Variants in FRAS1 observed in about 807,000 individuals in gnomAD.
The protein encoded by FRAS1 is extracellular matrix organizing protein FRAS1.
Under a neutral mutation model 435.2 loss-of-function variants are expected in FRAS1, and 290 were observed. That is an observed-to-expected ratio of 0.67 (90% CI 0.61 to 0.73). The LOEUF (loss-of-function observed/expected upper bound fraction) is 0.73, where lower values mean the gene tolerates loss of function less well. FRAS1 is among the 30% of genes least tolerant of loss of function. The probability of loss-of-function intolerance (pLI) is 0.00; values close to 1 mark genes in which losing one functional copy is unlikely to be tolerated. For missense variants in FRAS1, 4,860 were observed against 5,001.5 expected (o/e 0.97, Z 0.85); for synonymous variants, 1,800 against 1,851.0 (o/e 0.97, Z 0.71).
chr4:78,309,603 G>C (rs1406216088), intron 15 of FRAS1, among the ~76,000 whole-genome samples: 2 of 152,160 alleles, frequency 1.3e-5, no homozygotes, highest in Admixed American at 6.5e-5. Flanking sequence ...GGCCTTAACT[G>C]CCTGTGAACC....
chr4:78,188,062 C>T (rs936547350), intron 2 of FRAS1, among the ~76,000 whole-genome samples: 2 of 152,124 alleles, frequency 1.3e-5, no homozygotes, highest in South Asian at 2.1e-4. Context: ...ATATGATTAA[C>T]GAGAGGTAGA....
Position 78,529,737 on chromosome 4 carries a change from G to A in FRAS1, c.10925+3080G>A, listed in dbSNP as rs150611442. On this transcript the variant is annotated intron_variant, in intron 70 of 73. Coordinates refer to ENST00000512123, the MANE Select transcript of FRAS1 (RefSeq NM_025074.7). ...CTACTAAGTGACTAACAAATGGGTA[G>A]CATATACAATGTGGAGATGCTGAAC... 1.9e-3 allele frequency among the ~76,000 whole-genome samples: 285 copies of A among 152,324 alleles called. 1 individual carries two copies. Among genetic ancestry groups the A allele is most frequent in the Admixed American group, 2.9e-3 (45 of 15,294 alleles).
intron 2 of FRAS1, among the ~76,000 whole-genome samples, chr4:78,145,736 T>A (rs916224742): frequency 2.6e-5 from 4 of 152,340 alleles, no homozygotes; most frequent in Non-Finnish European, 5.9e-5. Context: ...ATGGTTTGGC[T>A]GTGTCCCCAC....
intron 14 of FRAS1, among the ~76,000 whole-genome samples, chr4:78,301,411 A>C (rs1184803148): frequency 1.3e-5 from 2 of 152,160 alleles, no homozygotes. Context: ...AGAGGAGAAT[A>C]TTTTAAAATC....
chr4:78,067,302 C>T (rs570539300), intron 2 of FRAS1, among the ~76,000 whole-genome samples: 32 of 152,088 alleles, frequency 2.1e-4, no homozygotes, highest in Admixed American at 2.6e-4. Context: ...AGGTAATTCA[C>T]CATTAGTGGT....
intron 66 of FRAS1, among the ~76,000 whole-genome samples, chr4:78,518,450 A>ATATATATATATATATATT (rs1487744216): frequency 1.2e-4 from 8 of 69,320 alleles, no homozygotes; most frequent in African/African-American, 2.7e-4. Context: ...ATATATATAT[A>ATATATATATATATATATT]TATTTATTTA....
chr4:78,058,445 A>C (rs1321514001), intron 1 of FRAS1, among the ~76,000 whole-genome samples: 1 of 152,084 alleles, frequency 6.6e-6, no homozygotes, highest in Non-Finnish European at 1.5e-5. Context: ...TGAGGAGCGA[A>C]CAATTGCTCT....
At chr4:78,340,486 A>G (rs1195646247) in intron 20 of FRAS1, among the ~76,000 whole-genome samples, 1 of 152,230 alleles carries the variant, frequency 6.6e-6, no homozygotes, top group Admixed American at 6.5e-5. Context: ...ATTGCAATGC[A>G]TTCACTCATG....
At position 78,189,381 on chromosome 4, in the gene FRAS1, T is replaced by C. The variant is rs1722427500; in HGVS notation, c.109-48129T>C. Among the ~76,000 whole-genome samples, 4 of 152,240 alleles carry C rather than the reference T, an allele frequency of 2.6e-5. No homozygotes were observed. The South Asian group carries it at 8.3e-4, about 32-fold the overall frequency. On this transcript the variant is annotated intron_variant, in intron 2 of 73. Transcript: ENST00000512123. ...ATAATCATTTTCTCTGATATTCCTA[T>C]AATGAGCTTTCACTTTCTTGATCAC...
intron 43 of FRAS1, 41 bp downstream of exon 43, chr4:78,446,921 G>A: frequency 1.9e-6 from 3 of 1,555,222 alleles, no homozygotes; most frequent in Non-Finnish European, 2.6e-6. Context: ...TAATTGAGAT[G>A]CCCGATGGGC....
intron 15 of FRAS1, among the ~76,000 whole-genome samples, chr4:78,314,679 AAT>A (rs1260076449): frequency 6.6e-6 from 1 of 152,138 alleles, no homozygotes; most frequent in Non-Finnish European, 1.5e-5. Context: ...TTTCCAGCCA[AAT>A]GAAACTACTG....
chr4:78,308,093 G>C lies in FRAS1; in HGVS notation c.1562G>C (p.Trp521Ser), dbSNP rs747715175. 1.2e-6 allele frequency: 2 copies of C among 1,613,414 alleles called. No homozygotes were observed. Among genetic ancestry groups the C allele is most frequent in the South Asian group, 2.2e-5 (2 of 91,012 alleles). Reference sequence around the variant, plus strand: ...TGCCATGAGTCCTGTGCAGGTTGCTGGGGCCCAACGGAGAAGCACTGCTTG... The same window carrying C: ...TGCCATGAGTCCTGTGCAGGTTGCTCGGGCCCAACGGAGAAGCACTGCTTG... Reference protein sequence around the residue: ...AVCHESCAGCWGPTEKHCLAC... With the variant: ...AVCHESCAGCSGPTEKHCLAC... The change falls in exon 15 of 74, where the codon TGG becomes TCG. Residue 521 changes from tryptophan to serine, a missense_variant. Transcript: ENST00000512123.
At chr4:78,382,899 T>C (rs1049706355) in intron 27 of FRAS1, among the ~76,000 whole-genome samples, 10 of 152,218 alleles carry the variant, frequency 6.6e-5, no homozygotes, top group Non-Finnish European at 1.5e-4. Flanking sequence ...AATCAAACAA[T>C]ATGTAGCCTT....
At chr4:78,338,044 ACT>A in intron 20 of FRAS1, 1 of 501,018 alleles carries the variant, frequency 2.0e-6, no homozygotes. Flanking sequence ...AAAATCTCAG[ACT>A]CTCATATTAA....
At chr4:78,475,042 T>G (rs1719815634) in intron 53 of FRAS1, among the ~76,000 whole-genome samples, 2 of 152,168 alleles carry the variant, frequency 1.3e-5, no homozygotes, top group Non-Finnish European at 2.9e-5. Context: ...ACCTAAGTCA[T>G]TGATTGCCTT....
Position 78,464,564 on chromosome 4 carries a change from C to A in FRAS1, c.7010C>A (p.Ala2337Glu). The A allele has an allele frequency of 3.7e-6, 6 of 1,613,818 alleles. No homozygotes were observed. The highest frequency in any genetic ancestry group is 5.1e-6 in the Non-Finnish European group (6 of 1,179,814). The change falls in exon 49 of 74, where the codon GCG becomes GAG. Residue 2337 changes from alanine (A) to glutamate (E), a missense_variant. Coordinates refer to ENST00000512123, the MANE Select transcript of FRAS1 (RefSeq NM_025074.7). ...RKTITEFELK[A>E]VDADTEAESV... ...ACCATCACAGAGTTTGAGCTTAAGGCGGTGGATGCTGACACAGAGGTAAGA... is the reference window on the plus strand; with the variant it reads ...ACCATCACAGAGTTTGAGCTTAAGGAGGTGGATGCTGACACAGAGGTAAGA...
intron 40 of FRAS1, among the ~76,000 whole-genome samples, chr4:78,439,737 C>T (rs1054121050): frequency 4.6e-5 from 7 of 152,086 alleles, no homozygotes; most frequent in African/African-American, 1.4e-4. Context: ...CTCAAGCAAT[C>T]CTCCCCGCTC....
chr4:78,084,244 T>C (rs528980104), intron 2 of FRAS1, among the ~76,000 whole-genome samples: 1 of 152,260 alleles, frequency 6.6e-6, no homozygotes, highest in Non-Finnish European at 1.5e-5. Context: ...ATAATTATTC[T>C]ATTTTACTAT....
chr4:78,289,436 A>G (rs1727777319), intron 14 of FRAS1, among the ~76,000 whole-genome samples: 1 of 152,212 alleles, frequency 6.6e-6, no homozygotes, highest in Non-Finnish European at 1.5e-5. Context: ...CCAGAGTTTG[A>G]TGCTTTGACC....
Sources: gnomAD v4.1 joint callset for allele counts (sites outside exome capture counted in the v4.1 genomes callset) on GRCh38, gnomAD v4.1.1 for gene constraint, MANE v1.5 for transcripts, NCBI Gene and HGNC (gene_info 2026-07-23, HGNC 2026-07-21) for gene names.